Variants in BICRA observed in about 807,000 individuals in gnomAD.
BICRA encodes the protein BRD4-interacting chromatin-remodeling complex-associated protein.
BICRA carries 31 observed loss-of-function variants against 96.9 expected under a neutral mutation model. That is an observed-to-expected ratio of 0.32 (90% CI 0.24 to 0.43). The LOEUF (loss-of-function observed/expected upper bound fraction) is 0.43, where lower values mean the gene tolerates loss of function less well. Ranked by LOEUF, BICRA falls within the 20% of genes least tolerant of loss-of-function variation. The pLI is 1.00. For synonymous variants in BICRA, 1,350 were observed against 1,071.8 expected, an observed-to-expected ratio of 1.26 and a Z score of -5.07; for missense variants, 2,283 against 2,190.3, an observed-to-expected ratio of 1.04 and a Z score of -0.84.
chr19:47,702,308 G>T lies in BICRA; in HGVS notation c.4576G>T (p.Ala1526Ser). The change falls in exon 15 of 15, where the codon GCT (alanine) becomes TCT (serine). Residue 1526 changes from alanine to serine, a missense_variant. By Grantham distance (99) the Ala-to-Ser change is moderately conservative. Transcript: ENST00000594866. ...GACGCCCGCGCCCTCGTACCCCCAC[G>T]CTGCCTCGGCCGGCACCCCCGCATC... ...GRTPAPSYPH[A>S]ASAGTPASPP... 1 of 1,574,368 alleles carries T rather than the reference G, an allele frequency of 6.4e-7. No homozygotes were observed.
rs1453631017 is a variant in BICRA at position 47,701,924 on chromosome 19, C to T, written c.4192C>T (p.Pro1398Ser). ...RKTYRENVGG[P>S]GAPEGTPAGR... ...GACCTACCGCGAGAACGTGGGGGGC[C>T]CTGGCGCGCCGGAGGGGACGCCCGC... is the stretch of plus-strand genomic sequence containing the variant. The change falls in exon 15 of 15, where the codon CCT becomes TCT. Residue 1398 changes from proline to serine, a missense_variant. Physicochemically the swap from Pro to Ser is moderately conservative, Grantham distance 74. Coordinates refer to ENST00000594866, the MANE Select transcript of BICRA (RefSeq NM_001394372.1). The surrounding 1 kb of genome is among the most constrained non-coding windows in gnomAD (Gnocchi z 5.4). 7.0e-7 allele frequency: 1 copy of T among 1,432,594 alleles called. No homozygotes were observed. Among genetic ancestry groups the T allele is most frequent in the South Asian group, 1.4e-5 (1 of 71,632 alleles). The allele number at this position is 1,432,594 out of a possible 1,614,324, so 88.7% of individuals were successfully genotyped here.
chr19:47,642,293 C>G (rs1476333004), intron 1 of BICRA, among the ~76,000 whole-genome samples: 1 of 152,180 alleles, frequency 6.6e-6, no homozygotes, highest in African/African-American at 2.4e-5. Context: ...ATAGATGATG[C>G]TGCTTGAACA....
chr19:47,668,382 G>A (rs1437345710), intron 1 of BICRA, among the ~76,000 whole-genome samples: 1 of 152,170 alleles, frequency 6.6e-6, no homozygotes, highest in Non-Finnish European at 1.5e-5. Context: ...CTGACATGCA[G>A]GTTCCCAGCT....
chr19:47,647,196 A>G (rs1006008217), intron 1 of BICRA, among the ~76,000 whole-genome samples: 5 of 151,366 alleles, frequency 3.3e-5, no homozygotes, highest in Admixed American at 2.0e-4. Context: ...GTTGGTGGAC[A>G]TTGGAGGTTT....
intron 7 of BICRA, among the ~76,000 whole-genome samples, chr19:47,684,219 G>A (rs948058385): frequency 1.1e-4 from 17 of 152,252 alleles, no homozygotes; most frequent in African/African-American, 1.7e-4. Context: ...GTCCCACTCC[G>A]TCGCCTAGGC....
At chr19:47,647,584 G>GA (rs1395861075) in intron 1 of BICRA, among the ~76,000 whole-genome samples, 2 of 152,050 alleles carry the variant, frequency 1.3e-5, no homozygotes, top group African/African-American at 2.4e-5. Flanking sequence ...TAGGTAACAG[G>GA]AAAAATGATC....
chr19:47,608,892 GGTTTTT>G (rs1971849433), upstream of BICRA, among the ~76,000 whole-genome samples: 1 of 40,762 alleles, frequency 2.5e-5, no homozygotes, highest in Non-Finnish European at 5.4e-5. Context: ...AAACCTGAGA[GGTTTTT>G]TTTTTTTTTT....
chr19:47,703,229 C>T lies in BICRA; in HGVS notation c.*814C>T, dbSNP rs1378215607. On this transcript the variant is annotated 3_prime_UTR_variant, in exon 15 of 15. Transcript: ENST00000594866. ...GATTTTTTTAAAGGAGAATTCTGTA[C>T]ATTTAGAACTCTTGTAAATTAAAAA... 1 of 152,536 alleles carries T rather than the reference C, an allele frequency of 6.6e-6. No individual in the cohort carries two copies. The highest frequency in any genetic ancestry group is 1.5e-5 in the Non-Finnish European group (1 of 68,034). The allele number at this position is 152,536 out of a possible 1,614,324, so 9.4% of individuals were successfully genotyped here. A position where few individuals can be genotyped will look rare whatever the true frequency, so the allele number is the denominator to read the frequency against.
At chr19:47,684,372 G>A (rs1184907061) in intron 7 of BICRA, among the ~76,000 whole-genome samples, 1 of 152,118 alleles carries the variant, frequency 6.6e-6, no homozygotes, top group East Asian at 1.9e-4. Flanking sequence ...AGTAGAGATA[G>A]TGTATCACCA....
intron 1 of BICRA, among the ~76,000 whole-genome samples, chr19:47,644,906 T>TAC (rs1048273448): frequency 2.0e-5 from 3 of 152,186 alleles, no homozygotes; most frequent in Non-Finnish European, 4.4e-5. Context: ...ACCTGAACTC[T>TAC]ACACACACAC....
chr19:47,702,049 G>A lies in BICRA; in HGVS notation c.4317G>A (p.Leu1439=). The A allele has an allele frequency of 1.1e-5, 16 of 1,506,662 alleles. No homozygotes were observed. The highest frequency in any genetic ancestry group is 1.4e-5 in the Non-Finnish European group (16 of 1,136,330). The allele number at this position is 1,506,662 out of a possible 1,614,324, so 93.3% of individuals were successfully genotyped here. Residue 1439 remains leucine (L), a synonymous_variant, in exon 15 of 15, where the codon CTG becomes CTA. Coordinates refer to ENST00000594866, the MANE Select transcript of BICRA (RefSeq NM_001394372.1). The part of the protein sequence containing the change: ...IRELAAVEDE[L]YQRMLKGPPP... ...AGCTGGCGGCCGTGGAGGACGAGCT[G>A]TACCAGCGTATGCTGAAGGGCCCCC...
intron 1 of BICRA, among the ~76,000 whole-genome samples, chr19:47,613,904 A>T (rs1971947010): frequency 6.6e-6 from 1 of 151,724 alleles, no homozygotes; most frequent in Admixed American, 6.6e-5. Context: ...AGTTTTGTGT[A>T]TGAGTGTATG....
At chr19:47,693,611 C>T (rs1973274367) in intron 7 of BICRA, among the ~76,000 whole-genome samples, 1 of 152,246 alleles carries the variant, frequency 6.6e-6, no homozygotes, top group Non-Finnish European at 1.5e-5. Flanking sequence ...ATGCTGGTGT[C>T]TCTTTGCCTT....
At chr19:47,645,153 A>G (rs753495802) in intron 1 of BICRA, among the ~76,000 whole-genome samples, 1 of 152,108 alleles carries the variant, frequency 6.6e-6, no homozygotes, top group Non-Finnish European at 1.5e-5. Context: ...ATGTAGGATG[A>G]GGTTTGGAAT....
intron 1 of BICRA, among the ~76,000 whole-genome samples, chr19:47,659,812 T>C (rs936853556): frequency 1.3e-5 from 2 of 152,006 alleles, no homozygotes; most frequent in Admixed American, 6.6e-5. Context: ...TGCAGTGGCA[T>C]GATCTTGGCT....
chr19:47,641,738 C>T (rs1266453885), intron 1 of BICRA, among the ~76,000 whole-genome samples: 2 of 152,060 alleles, frequency 1.3e-5, no homozygotes, highest in East Asian at 3.9e-4. Context: ...TGAACAATGC[C>T]ATTGGAATTT....
chr19:47,612,282 G>A (rs1157720802), intron 1 of BICRA, among the ~76,000 whole-genome samples: 2 of 151,914 alleles, frequency 1.3e-5, no homozygotes, highest in Admixed American at 6.6e-5. Context: ...GGGCATGGTG[G>A]CACTCACCTG....
At chr19:47,621,975 T>A (rs1277509196) in intron 1 of BICRA, among the ~76,000 whole-genome samples, 3 of 151,484 alleles carry the variant, frequency 2.0e-5, no homozygotes, top group Non-Finnish European at 2.9e-5. Context: ...TACTTTATTT[T>A]TTTTTTTTTG....
rs1178789733 is a variant in BICRA, at chr19:47,680,169, G to A, written c.999G>A (p.Ser333=). ...TGGCGGTGGCCCCAGGCCTCGGCTC[G>A]TCGCCACTGGTCCCGGCGCCCAACG... ...QPLAVAPGLG[S]SPLVPAPNVI... Residue 333 remains serine (S), a synonymous_variant, in exon 6 of 15, where the codon TCG becomes TCA. Transcript: ENST00000594866. 2 of 1,535,212 alleles carry A rather than the reference G, an allele frequency of 1.3e-6. No homozygotes were observed. Among genetic ancestry groups the A allele is most frequent in the South Asian group, 1.2e-5 (1 of 83,386 alleles).
Sources: gnomAD v4.1 joint callset for allele counts (sites outside exome capture counted in the v4.1 genomes callset) on GRCh38, gnomAD v4.1.1 for gene constraint, Gnocchi (gnomAD v3.1) non-coding constraint, MANE v1.5 for transcripts, NCBI Gene and HGNC (gene_info 2026-07-23, HGNC 2026-07-21) for gene names.